Variants in ANKS1B observed in about 807,000 individuals in gnomAD.
ANKS1B encodes the protein ankyrin repeat and sterile alpha motif domain containing 1B.
In ANKS1B, 36 loss-of-function variants were observed where a neutral mutation model predicts 148.3. That is an observed-to-expected ratio of 0.24 (90% CI 0.19 to 0.32). The LOEUF (loss-of-function observed/expected upper bound fraction) is 0.32, where lower values mean the gene tolerates loss of function less well. Among genes scored for constraint, ANKS1B ranks in the 10% least tolerant of loss-of-function variants. ANKS1B has a pLI of 1.00. For synonymous variants in ANKS1B, 542 were observed against 560.8 expected (o/e 0.97, Z 0.47); for missense variants, 1,157 against 1,542.6 (o/e 0.75, Z 4.19).
At chr12:99,391,577 C>T (rs893369372) in intron 12 of ANKS1B, among the ~76,000 whole-genome samples, 3 of 152,200 alleles carry the variant, frequency 2.0e-5, no homozygotes, top group African/African-American at 4.8e-5. Flanking sequence ...TTTCTCATGG[C>T]ACACCCTGAG....
chr12:98,867,907 C>T (rs1032594669), intron 17 of ANKS1B, among the ~76,000 whole-genome samples: 1 of 151,876 alleles, frequency 6.6e-6, no homozygotes, highest in Non-Finnish European at 1.5e-5. Context: ...CTGGATACTA[C>T]TTCGTAAAGC....
At chr12:99,846,127 G>A (rs966789789) in intron 1 of ANKS1B, among the ~76,000 whole-genome samples, 2 of 151,514 alleles carry the variant, frequency 1.3e-5, no homozygotes, top group East Asian at 3.9e-4. Context: ...TTTTATCTTG[G>A]CTTTATCTCT....
intron 15 of ANKS1B, among the ~76,000 whole-genome samples, chr12:99,129,124 T>C (rs2065310801): frequency 6.6e-6 from 1 of 152,160 alleles, no homozygotes; most frequent in Non-Finnish European, 1.5e-5. Context: ...GGTGTCCAAG[T>C]AGCATTCAGC....
intron 9 of ANKS1B, among the ~76,000 whole-genome samples, chr12:99,571,503 T>A (rs369061321): frequency 6.6e-6 from 1 of 152,036 alleles, no homozygotes; most frequent in Non-Finnish European, 1.5e-5. Flanking sequence ...AATCCTCAAA[T>A]GTTTACTTCA....
At chr12:99,431,163 C>T (rs375780817) in intron 11 of ANKS1B, among the ~76,000 whole-genome samples, 3 of 152,164 alleles carry the variant, frequency 2.0e-5, no homozygotes, top group Non-Finnish European at 4.4e-5. Flanking sequence ...CCATTTTAGG[C>T]ATTTAGCACC....
intron 17 of ANKS1B, among the ~76,000 whole-genome samples, chr12:98,861,761 T>C (rs977369423): frequency 1.3e-5 from 2 of 152,216 alleles, no homozygotes; most frequent in African/African-American, 2.4e-5. Context: ...AAAAAGATTT[T>C]TAAGTTTGTG....
intron 19 of ANKS1B, among the ~76,000 whole-genome samples, chr12:98,827,956 G>A (rs1044515696): frequency 1.3e-5 from 2 of 152,072 alleles, no homozygotes; most frequent in African/African-American, 4.8e-5. Context: ...AAAGTTTGGG[G>A]GGAAAAAGCT....
At chr12:99,842,924 T>G (rs890832205) in intron 1 of ANKS1B, among the ~76,000 whole-genome samples, 12 of 152,202 alleles carry the variant, frequency 7.9e-5, no homozygotes, top group African/African-American at 2.9e-4. Context: ...ATTTAGTTCG[T>G]CTACTTCATT....
chr12:99,368,624 C>T (rs1005203589), intron 12 of ANKS1B, among the ~76,000 whole-genome samples: 32 of 151,730 alleles, frequency 2.1e-4, no homozygotes, highest in Admixed American at 7.9e-4. Context: ...AAAATATATG[C>T]GTATTTTTTC....
At chr12:99,147,867 T>C (rs2073688050) in intron 15 of ANKS1B, among the ~76,000 whole-genome samples, 2 of 151,702 alleles carry the variant, frequency 1.3e-5, no homozygotes, top group Admixed American at 6.6e-5. Context: ...GAGGAGTGGA[T>C]AGTGAAAATC....
intron 12 of ANKS1B, among the ~76,000 whole-genome samples, chr12:99,361,251 T>C: frequency 6.6e-6 from 1 of 152,058 alleles, no homozygotes; most frequent in African/African-American, 2.4e-5. Flanking sequence ...AATATATACC[T>C]ACTATGTAAC....
chr12:99,571,315 C>T (rs2097453170), intron 9 of ANKS1B, among the ~76,000 whole-genome samples: 1 of 151,750 alleles, frequency 6.6e-6, no homozygotes, highest in African/African-American at 2.4e-5. Context: ...TTTGGTCAAA[C>T]AACTCTGTTG....
intron 1 of ANKS1B, among the ~76,000 whole-genome samples, chr12:99,897,721 C>G (rs980739712): frequency 6.6e-6 from 1 of 150,646 alleles, no homozygotes; most frequent in Non-Finnish European, 1.5e-5. Flanking sequence ...GGACGGGGAG[C>G]CATTTTGGCT....
intron 22 of ANKS1B, among the ~76,000 whole-genome samples, chr12:98,782,720 G>A (rs2098749579): frequency 6.6e-6 from 1 of 152,142 alleles, no homozygotes; most frequent in Admixed American, 6.6e-5. Flanking sequence ...CTTACTAAAA[G>A]TATTGTTATT....
In ANKS1B at chr12:99,632,767, A is replaced by ATATATATATATATATT. The variant is rs1441486862; in HGVS notation, c.1272+22299_1272+22300insAATATATATATATATA. On this transcript the variant is annotated intron_variant, in intron 9 of 26. Transcript: ENST00000683438. The stretch of plus-strand genomic sequence containing the variant: ...TATATATATATATATATATATATAT[A>ATATATATATATATATT]TTTTAATTATACTTTAAGTTCTAGG... Among the ~76,000 whole-genome samples, 305 of 71,238 alleles carry ATATATATATATATATT rather than the reference A, an allele frequency of 4.3e-3. 20 individuals carry two copies. The highest frequency in any genetic ancestry group is 5.1e-3 in the Non-Finnish European group (178 of 34,662). 46.7% of individuals were successfully genotyped at this position (71,238 alleles called of 152,430 possible). A position where few individuals can be genotyped will look rare whatever the true frequency, so the allele number is the denominator to read the frequency against.
intron 12 of ANKS1B, among the ~76,000 whole-genome samples, chr12:99,257,035 G>C (rs1362347187): frequency 5.3e-5 from 8 of 152,194 alleles, no homozygotes; most frequent in African/African-American, 1.7e-4. Flanking sequence ...ACGAGGTCAG[G>C]AGATCGAGAC....
At chr12:99,393,869 C>T (rs1235108756) in intron 12 of ANKS1B, among the ~76,000 whole-genome samples, 1 of 152,140 alleles carries the variant, frequency 6.6e-6, no homozygotes, top group Non-Finnish European at 1.5e-5. Context: ...TTAAATATTA[C>T]ACTCCCTTGC....
rs66516058 is a variant in ANKS1B at position 99,657,659 on chromosome 12, A to ATATATATATATATATATATT, written c.1129-2450_1129-2449insAATATATATATATATATATA. On this transcript the variant is annotated intron_variant, in intron 8 of 26. Transcript: ENST00000683438. ...AATCTGAAAGAGTATATATATATAT[A>ATATATATATATATATATATT]TGATAAAGTTGTTCACAGGAATAAA... Among the ~76,000 whole-genome samples the ATATATATATATATATATATT allele has an allele frequency of 4.1e-3, 596 of 146,794 alleles. 5 individuals carry two copies. Among genetic ancestry groups the ATATATATATATATATATATT allele is most frequent in the East Asian group, 0.023 (114 of 4,950 alleles).
At chr12:98,871,914 C>G (rs1428381840) in intron 17 of ANKS1B, among the ~76,000 whole-genome samples, 1 of 152,036 alleles carries the variant, frequency 6.6e-6, no homozygotes, top group Non-Finnish European at 1.5e-5. Context: ...CCCTTAGGAA[C>G]AAAGTTTAGT....
Sources: allele counts gnomAD v4.1 joint callset (sites outside exome capture counted in the v4.1 genomes callset), GRCh38; gene constraint gnomAD v4.1.1; transcripts MANE v1.5; gene names NCBI Gene and HGNC (gene_info 2026-07-23, HGNC 2026-07-21).